ARHGAP26: variants seen among roughly 807,000 people sequenced by gnomAD.
The protein encoded by ARHGAP26 is Rho GTPase activating protein 26.
ARHGAP26 carries 38 observed loss-of-function variants against 104.8 expected under a neutral mutation model. That is an observed-to-expected ratio of 0.36 (90% CI 0.28 to 0.48). The LOEUF (loss-of-function observed/expected upper bound fraction) is 0.48, where lower values mean the gene tolerates loss of function less well. Among genes scored for constraint, ARHGAP26 ranks in the 20% least tolerant of loss-of-function variants. The pLI is 0.99. For missense variants in ARHGAP26, 704 were observed against 947.9 expected (o/e 0.74, Z 3.38); for synonymous variants, 341 against 340.0 (o/e 1.00, Z -0.03).
intron 14 of ARHGAP26, among the ~76,000 whole-genome samples, chr5:143,047,660 G>A (rs927914854): frequency 1.3e-5 from 2 of 152,012 alleles, no homozygotes; most frequent in African/African-American, 2.4e-5. Context: ...ATTTTTAAAT[G>A]TATCTTTTTA....
intron 12 of ARHGAP26, among the ~76,000 whole-genome samples, chr5:143,035,999 A>G (rs1293923671): frequency 6.6e-6 from 1 of 152,020 alleles, no homozygotes; most frequent in Non-Finnish European, 1.5e-5. Flanking sequence ...CTGTTCTCCA[A>G]TAACCTATGG....
At chr5:142,771,045 C>T in intron 1 of ARHGAP26, 130 bp downstream of exon 1, 1 of 1,409,604 alleles carries the variant, frequency 7.1e-7, no homozygotes, top group Non-Finnish European at 9.3e-7. Context: ...GTGTCGACGC[C>T]TCCGAGGCAG....
chr5:142,875,041 C>G, intron 2 of ARHGAP26, 69 bp from the exon 3 acceptor site: 1 of 1,303,050 alleles, frequency 7.7e-7, no homozygotes, highest in South Asian at 1.2e-5. Flanking sequence ...AACATAATAG[C>G]CAGAGCTGGA....
chr5:142,842,034 A>G (rs578036184), intron 1 of ARHGAP26, among the ~76,000 whole-genome samples: 2 of 152,092 alleles, frequency 1.3e-5, no homozygotes, highest in African/African-American at 2.4e-5. Flanking sequence ...ATGAGAGTGC[A>G]TTTTCCCTTG....
intron 11 of ARHGAP26, among the ~76,000 whole-genome samples, chr5:143,007,175 A>T (rs1778095023): frequency 6.9e-6 from 1 of 145,364 alleles, no homozygotes; most frequent in East Asian, 2.1e-4. Context: ...AGCCTGGTTG[A>T]CAGCAAGACT....
intron 1 of ARHGAP26, among the ~76,000 whole-genome samples, chr5:142,849,538 C>T (rs538505043): frequency 9.8e-5 from 15 of 152,326 alleles, no homozygotes; most frequent in African/African-American, 3.6e-4. Flanking sequence ...AACGTCCCTT[C>T]CTTGCTCACC....
chr5:142,883,324 G>A (rs1757268290), intron 4 of ARHGAP26, among the ~76,000 whole-genome samples: 1 of 152,154 alleles, frequency 6.6e-6, no homozygotes, highest in African/African-American at 2.4e-5. Context: ...TGGAGTTGGA[G>A]CCCCAGTTCA....
At chr5:142,875,794 G>C (rs1190887253) in intron 3 of ARHGAP26, among the ~76,000 whole-genome samples, 1 of 152,208 alleles carries the variant, frequency 6.6e-6, no homozygotes, top group Non-Finnish European at 1.5e-5. Context: ...AGGCTGGAGT[G>C]CAGTGGTACC....
At chr5:142,770,949 C>A in intron 1 of ARHGAP26, 34 bp downstream of exon 1, 1 of 1,574,942 alleles carries the variant, frequency 6.3e-7, no homozygotes, top group Non-Finnish European at 8.6e-7. Context: ...GACGCGGCTC[C>A]GGGGCGGGAG....
chr5:142,852,494 C>A (rs1751688970), intron 1 of ARHGAP26, among the ~76,000 whole-genome samples: 1 of 152,214 alleles, frequency 6.6e-6, no homozygotes, highest in African/African-American at 2.4e-5. Context: ...TGTCTTGGAG[C>A]AGATTTATTT....
chr5:143,169,128 G>A (rs1340838782), intron 20 of ARHGAP26, among the ~76,000 whole-genome samples: 2 of 152,210 alleles, frequency 1.3e-5, no homozygotes, highest in Non-Finnish European at 2.9e-5. Flanking sequence ...TCTAACAGGA[G>A]CTATTCCTGT....
chr5:143,095,697 T>C (rs892116709), intron 17 of ARHGAP26, among the ~76,000 whole-genome samples: 7 of 152,152 alleles, frequency 4.6e-5, no homozygotes, highest in African/African-American at 1.4e-4. Context: ...CTCAGCCTCC[T>C]GGGTAGCAGG....
intron 10 of ARHGAP26, among the ~76,000 whole-genome samples, chr5:142,929,999 C>T (rs989955021): frequency 6.6e-6 from 1 of 152,152 alleles, no homozygotes; most frequent in African/African-American, 2.4e-5. Flanking sequence ...ATCAAGATCA[C>T]CTGGGGAGTT....
chr5:143,066,641 C>CTTT (rs1171726721), intron 17 of ARHGAP26, among the ~76,000 whole-genome samples: 4 of 152,188 alleles, frequency 2.6e-5, no homozygotes, highest in Non-Finnish European at 4.4e-5. Context: ...CTAGATGGGG[C>CTTT]TTTCTTCATA....
intron 7 of ARHGAP26, among the ~76,000 whole-genome samples, chr5:142,903,329 G>C (rs990726531): frequency 1.3e-5 from 2 of 152,146 alleles, no homozygotes; most frequent in Non-Finnish European, 2.9e-5. Context: ...AAGATCCCTA[G>C]GTGATTTTGA....
intron 1 of ARHGAP26, among the ~76,000 whole-genome samples, chr5:142,857,376 G>A (rs1385293439): frequency 6.6e-6 from 1 of 152,156 alleles, no homozygotes; most frequent in East Asian, 1.9e-4. Context: ...GATGGGCACA[G>A]TGAGGCTGCT....
At position 142,913,357 on chromosome 5, in the gene ARHGAP26, T is replaced by C. The variant is rs1358491473; in HGVS notation, c.1028+64T>C. ...CTGAATTTCTATATCTTACTTTTTC[T>C]TTCCAGTCAAACCTTTTCTGCTTTT... On this transcript the variant is annotated intron_variant, in intron 10 of 22. Transcript: ENST00000645722. The C allele has an allele frequency of 7.4e-6, 11 of 1,478,012 alleles. No homozygotes were observed. In the South Asian group the frequency reaches 1.0e-4, roughly 14 times the overall value. The allele number at this position is 1,478,012 out of a possible 1,614,324, so 91.6% of individuals were successfully genotyped here. A position where few individuals can be genotyped will look rare whatever the true frequency, so the allele number is the denominator to read the frequency against.
At chr5:142,947,048 C>T in intron 11 of ARHGAP26, 1 of 137,078 alleles carries the variant, frequency 7.3e-6, no homozygotes, top group Non-Finnish European at 1.5e-5. Context: ...TGACCCAATG[C>T]CCAGAAAAGC....
At chr5:143,129,945 G>C (rs1797138010) in intron 18 of ARHGAP26, among the ~76,000 whole-genome samples, 1 of 152,224 alleles carries the variant, frequency 6.6e-6, no homozygotes, top group Non-Finnish European at 1.5e-5. Context: ...AGGTAGCAAA[G>C]TCAGGATTTG....
Sources: gnomAD v4.1 joint callset for allele counts (sites outside exome capture counted in the v4.1 genomes callset) on GRCh38, gnomAD v4.1.1 for gene constraint, MANE v1.5 for transcripts, NCBI Gene and HGNC (gene_info 2026-07-23, HGNC 2026-07-21) for gene names.